CAMK2A: variants seen among roughly 807,000 people sequenced by gnomAD.
CAMK2A encodes the protein calcium/calmodulin-dependent protein kinase type II subunit alpha.
A neutral mutation model predicts 79.2 loss-of-function variants in CAMK2A; 7 were observed. The ratio of observed to expected loss-of-function variants is 0.09; its 90% CI spans 0.05 to 0.17. The LOEUF (loss-of-function observed/expected upper bound fraction) is 0.17. Ranked by LOEUF, CAMK2A falls within the 10% of genes least tolerant of loss-of-function variation. CAMK2A has a pLI of 1.00. For synonymous variants in CAMK2A, 242 were observed against 251.7 expected, an observed-to-expected ratio of 0.96 and a Z score of 0.36; for missense variants, 214 against 646.4, an observed-to-expected ratio of 0.33 and a Z score of 7.25.
At chr5:150,231,688 C>T (rs894119571) in intron 15 of CAMK2A, among the ~76,000 whole-genome samples, 1 of 151,702 alleles carries the variant, frequency 6.6e-6, no homozygotes, top group African/African-American at 2.4e-5. Flanking sequence ...GCGGTCTTTG[C>T]CTCTAATACA....
intron 1 of CAMK2A, among the ~76,000 whole-genome samples, chr5:150,278,335 G>A (rs1757045295): frequency 6.6e-6 from 1 of 151,678 alleles, no homozygotes; most frequent in South Asian, 2.1e-4. Flanking sequence ...AGTGAAGGCA[G>A]TGAGTCGGCA....
Position 150,256,626 on chromosome 5 carries a change from G to T in CAMK2A, c.358C>A (p.Leu120Met). 6.2e-7 allele frequency: 1 copy of T among 1,614,048 alleles called. No homozygotes were observed. Among genetic ancestry groups the T allele is most frequent in the Non-Finnish European group, 8.5e-7 (1 of 1,179,966 alleles). Residue 120 changes from leucine (L) to methionine (M), a missense_variant, in exon 6 of 19, where the codon CTG (leucine) becomes ATG (methionine). Leu to Met is a conservative substitution (Grantham distance 15). Coordinates refer to ENST00000671881, the MANE Select transcript of CAMK2A (RefSeq NM_015981.4). The surrounding 1 kb of genome is among the most constrained non-coding windows in gnomAD (Gnocchi z 4.6). Reference protein sequence around the residue: ...ADASHCIQQILEAVLHCHQMG... With the variant: ...ADASHCIQQIMEAVLHCHQMG... ...TGGTGGCAGTGCAGCACAGCCTCCA[G>T]GATCTGCTGGATACAGTGACTAGGG...
At chr5:150,233,914 G>T (rs1754953295) in intron 15 of CAMK2A, among the ~76,000 whole-genome samples, 1 of 152,184 alleles carries the variant, frequency 6.6e-6, no homozygotes, top group Non-Finnish European at 1.5e-5. Context: ...GTGGGTTCAA[G>T]CGATTCTCCT....
intron 17 of CAMK2A, among the ~76,000 whole-genome samples, chr5:150,224,992 C>G (rs1754520682): frequency 6.9e-6 from 1 of 144,710 alleles, no homozygotes; most frequent in Admixed American, 7.2e-5. Context: ...GAAACCCAGT[C>G]TCTACAAAAA....
intron 3 of CAMK2A, among the ~76,000 whole-genome samples, chr5:150,258,065 G>T (rs983425975): frequency 6.6e-6 from 1 of 152,200 alleles, no homozygotes; most frequent in Non-Finnish European, 1.5e-5. Context: ...GTTCCAGGAG[G>T]CATGCAGTTG....
intron 1 of CAMK2A, among the ~76,000 whole-genome samples, chr5:150,288,078 C>A (rs1580965176): frequency 1.3e-5 from 2 of 151,962 alleles, no homozygotes; most frequent in South Asian, 4.1e-4. Flanking sequence ...TCCCACATAA[C>A]CCTGTGAGCC....
At chr5:150,231,403 GAAATAA>G in intron 15 of CAMK2A, 23 bp from the exon 16 acceptor site, 2 of 867,424 alleles carry the variant, frequency 2.3e-6, no homozygotes, top group South Asian at 2.4e-5. Flanking sequence ...AGGGGACACA[GAAATAA>G]TAATAATAAT....
At chr5:150,282,659 C>T (rs916857224) in intron 1 of CAMK2A, among the ~76,000 whole-genome samples, 91 of 152,356 alleles carry the variant, frequency 6.0e-4, no homozygotes, top group African/African-American at 2.0e-3. Flanking sequence ...CTCTCTGGGC[C>T]TTAGCTCACC....
At chr5:150,269,509 G>A (rs921129818) in intron 2 of CAMK2A, among the ~76,000 whole-genome samples, 5 of 151,864 alleles carry the variant, frequency 3.3e-5, no homozygotes, top group Non-Finnish European at 5.9e-5. Flanking sequence ...CCGCCACTAC[G>A]CCCGGCTAAT....
chr5:150,286,642 G>A (rs1757436065), intron 1 of CAMK2A, among the ~76,000 whole-genome samples: 1 of 152,214 alleles, frequency 6.6e-6, no homozygotes, highest in African/African-American at 2.4e-5. Flanking sequence ...TTAGCTTTTG[G>A]GTGGTGACTG....
chr5:150,270,770 A>G (rs1218396522), intron 2 of CAMK2A, among the ~76,000 whole-genome samples: 2 of 152,064 alleles, frequency 1.3e-5, no homozygotes, highest in African/African-American at 4.8e-5. Flanking sequence ...CTTCCTTCCA[A>G]GAGGTCAAGG....
intron 3 of CAMK2A, among the ~76,000 whole-genome samples, chr5:150,262,224 A>G (rs1756331683): frequency 6.6e-6 from 1 of 152,194 alleles, no homozygotes; most frequent in African/African-American, 2.4e-5. Context: ...GGAGCAGAGC[A>G]GTGGCCACAC....
Position 150,221,392 on chromosome 5 carries a change from G to T in CAMK2A, c.*1318C>A. ...CTTTGCTGTGGTCATCAGACGCCAA[G>T]GGGAGAGAGGCAATGAAGACACACG... On this transcript the variant is annotated 3_prime_UTR_variant, in exon 19 of 19. Coordinates refer to ENST00000671881, the MANE Select transcript of CAMK2A (RefSeq NM_015981.4). The T allele has an allele frequency of 2.5e-6, 1 of 398,710 alleles. No homozygotes were observed. Among genetic ancestry groups the T allele is most frequent in the South Asian group, 1.3e-4 (1 of 7,816 alleles). The allele number at this position is 398,710 out of a possible 1,614,324, so 24.7% of individuals were successfully genotyped here. A position where few individuals can be genotyped will look rare whatever the true frequency, so the allele number is the denominator to read the frequency against.
intron 12 of CAMK2A, among the ~76,000 whole-genome samples, chr5:150,247,077 C>A (rs979239640): frequency 1.3e-5 from 2 of 152,250 alleles, no homozygotes; most frequent in African/African-American, 4.8e-5. Flanking sequence ...TAATCCCTTC[C>A]CCTTCTCTCT....
intron 13 of CAMK2A, among the ~76,000 whole-genome samples, chr5:150,240,030 C>T (rs1755269655): frequency 6.6e-6 from 1 of 152,176 alleles, no homozygotes; most frequent in African/African-American, 2.4e-5. Flanking sequence ...GGGCTACCCA[C>T]CCTGCCTAAC....
intron 12 of CAMK2A, 174 bp from the exon 13 acceptor site, chr5:150,245,375 C>CCTCCTCCTCCTCCT: frequency 1.6e-6 from 1 of 623,460 alleles, no homozygotes; most frequent in Non-Finnish European, 2.9e-6. Context: ...TCCTCCTCCT[C>CCTCCTCCTCCTCCT]CCTCCTTGGA....
intron 3 of CAMK2A, among the ~76,000 whole-genome samples, chr5:150,264,274 C>T: frequency 6.6e-6 from 1 of 152,236 alleles, no homozygotes; most frequent in East Asian, 1.9e-4. Context: ...TCAGAGAGGG[C>T]AGTGCTCCTG....
intron 1 of CAMK2A, among the ~76,000 whole-genome samples, chr5:150,288,902 C>T (rs1398884833): frequency 6.6e-6 from 1 of 152,200 alleles, no homozygotes; most frequent in Non-Finnish European, 1.5e-5. Flanking sequence ...ACCCTTCATA[C>T]CCTAGCCCCT....
intron 10 of CAMK2A, 68 bp from the exon 11 acceptor site, chr5:150,250,377 C>G: frequency 7.6e-7 from 1 of 1,319,888 alleles, no homozygotes. Flanking sequence ...CCAAGGGTAC[C>G]CTTCAGCAGG....
Sources: gnomAD v4.1 joint callset for allele counts (sites outside exome capture counted in the v4.1 genomes callset) on GRCh38, gnomAD v4.1.1 for gene constraint, Gnocchi (gnomAD v3.1) non-coding constraint, MANE v1.5 for transcripts, NCBI Gene and HGNC (gene_info 2026-07-23, HGNC 2026-07-21) for gene names.